Variants in TAOK1 observed in about 807,000 individuals in gnomAD.
TAOK1 encodes serine/threonine-protein kinase TAO1.
Under a neutral mutation model 138.3 loss-of-function variants are expected in TAOK1, and 21 were observed. That is an observed-to-expected ratio of 0.15 (90% CI 0.11 to 0.22). The LOEUF (loss-of-function observed/expected upper bound fraction) is 0.22. TAOK1 is among the 10% of genes least tolerant of loss of function. The pLI, the probability that TAOK1 is intolerant of heterozygous loss-of-function variation, is 1.00. For synonymous variants in TAOK1, 361 were observed against 398.4 expected, an observed-to-expected ratio of 0.91 and a Z score of 1.12; for missense variants, 651 against 1,227.7, an observed-to-expected ratio of 0.53 and a Z score of 7.02.
chr17:29,532,803 C>T (rs1177104860), intron 18 of TAOK1, among the ~76,000 whole-genome samples: 5 of 151,930 alleles, frequency 3.3e-5, no homozygotes, highest in Non-Finnish European at 7.4e-5. Context: ...CCTTTCCCCC[C>T]TTTCTATTCC....
At position 29,471,471 on chromosome 17, in the gene TAOK1, G is replaced by T. The variant is rs1419868987; in HGVS notation, c.205-4199G>T. ...TTTTTGTATTTTTAGTAGAGACGGG[G>T]TTTCATCATCTTGGCCAGGATGGTC... On this transcript the variant is annotated intron_variant, in intron 3 of 19. Transcript: ENST00000261716. Among the ~76,000 whole-genome samples, 14 of 151,232 alleles carry T rather than the reference G, an allele frequency of 9.3e-5. No individual in the cohort carries two copies. The East Asian group carries it at 2.7e-3, about 30-fold the overall frequency.
chr17:29,478,170 T>A (rs896496546), intron 5 of TAOK1, 81 bp from the exon 6 acceptor site: 1 of 966,096 alleles, frequency 1.0e-6, no homozygotes, highest in Non-Finnish European at 1.5e-6. Context: ...TATCAGTTTT[T>A]AAAAATTGCC....
chr17:29,528,823 G>GA (rs200222589), intron 17 of TAOK1, among the ~76,000 whole-genome samples: 2,019 of 97,914 alleles, frequency 0.021, 61 homozygotes, highest in African/African-American at 0.076. Flanking sequence ...CTGAGCAACA[G>GA]AATGAGACTC....
chr17:29,443,369 G>C (rs74930289), intron 1 of TAOK1, among the ~76,000 whole-genome samples: 1 of 152,058 alleles, frequency 6.6e-6, no homozygotes, highest in Non-Finnish European at 1.5e-5. Context: ...TCTATTATTT[G>C]ACTATGTTTT....
At chr17:29,484,338 T>C (rs1048398248) in intron 8 of TAOK1, among the ~76,000 whole-genome samples, 1 of 152,188 alleles carries the variant, frequency 6.6e-6, no homozygotes, top group Non-Finnish European at 1.5e-5. Context: ...CTTACAAATG[T>C]TTTGAATATT....
intron 1 of TAOK1, among the ~76,000 whole-genome samples, chr17:29,407,105 C>T (rs1184023554): frequency 6.6e-6 from 1 of 152,222 alleles, no homozygotes; most frequent in South Asian, 2.1e-4. Context: ...GTCTTGAACT[C>T]CTGGGCTCAA....
In TAOK1 at chr17:29,547,425, C is replaced by T. The variant is rs1316832863; in HGVS notation, c.*4403C>T. ...TAGTAAGTTCTTTGTGCACCTTCCA[C>T]CACTTCTGAGCCACTACTATTCAAG... On this transcript the variant is annotated 3_prime_UTR_variant, in exon 20 of 20. Transcript: ENST00000261716. 1.3e-5 allele frequency: 2 copies of T among 152,084 alleles called. No homozygotes were observed. The highest frequency in any genetic ancestry group is 2.4e-5 in the African/African-American group (1 of 41,438). The allele number at this position is 152,084 out of a possible 1,614,324, so 9.4% of individuals were successfully genotyped here.
intron 1 of TAOK1, among the ~76,000 whole-genome samples, chr17:29,431,683 A>G (rs1905836547): frequency 6.6e-6 from 1 of 152,034 alleles, no homozygotes; most frequent in South Asian, 2.1e-4. Flanking sequence ...CTTGTCACCC[A>G]GGCTGGAGTG....
intron 18 of TAOK1, among the ~76,000 whole-genome samples, chr17:29,531,224 C>G (rs567823978): frequency 1.1e-4 from 16 of 151,654 alleles, no homozygotes; most frequent in African/African-American, 3.9e-4. Flanking sequence ...GCCTCGGCCT[C>G]CCAAAGTGCT....
Position 29,549,935 on chromosome 17 carries a change from T to G in TAOK1, c.*6913T>G, listed in dbSNP as rs974342752. 1.3e-5 allele frequency: 2 copies of G among 151,984 alleles called. No homozygotes were observed. Among genetic ancestry groups the G allele is most frequent in the Non-Finnish European group, 2.9e-5 (2 of 67,998 alleles). The allele number at this position is 151,984 out of a possible 1,614,324, so 9.4% of individuals were successfully genotyped here. The stretch of plus-strand genomic sequence containing the variant: ...GCCTACTTAGGAGTGCCCCTCCAAT[T>G]AATTACATGTGTCCAAGAATAATCC... On this transcript the variant is annotated 3_prime_UTR_variant, in exon 20 of 20. Transcript: ENST00000261716.
intron 12 of TAOK1, 132 bp from the exon 13 acceptor site, chr17:29,502,457 A>G (rs571698834): frequency 3.0e-6 from 3 of 992,696 alleles, no homozygotes; most frequent in East Asian, 2.6e-5. Context: ...CAGCATTTCT[A>G]CTTTTTGGCT....
At chr17:29,410,641 T>G (rs796275327) in intron 1 of TAOK1, among the ~76,000 whole-genome samples, 5 of 150,064 alleles carry the variant, frequency 3.3e-5, no homozygotes, top group African/African-American at 7.3e-5. Context: ...TTTGGTTTTT[T>G]TTTTTGTTTG....
chr17:29,533,250 G>A (rs1292742557), intron 18 of TAOK1, among the ~76,000 whole-genome samples: 4 of 148,548 alleles, frequency 2.7e-5, no homozygotes, highest in African/African-American at 4.9e-5. Flanking sequence ...ATGGGCGGCC[G>A]GGCAGAGACG....
rs2032358196 is a variant in TAOK1 at position 29,543,789 on chromosome 17, T to C, written c.*767T>C. On this transcript the variant is annotated 3_prime_UTR_variant, in exon 20 of 20. Transcript: ENST00000261716. ...ATTCAATTGTGCCTTCTTTGTATTA[T>C]GATAAGATGGGGGTACTTAAGGAGA... 6.6e-6 allele frequency: 1 copy of C among 152,194 alleles called. No individual in the cohort carries two copies. Among genetic ancestry groups the C allele is most frequent in the Admixed American group, 6.5e-5 (1 of 15,280 alleles). The allele number at this position is 152,194 out of a possible 1,614,324, so 9.4% of individuals were successfully genotyped here.
At chr17:29,483,659 C>T (rs2031109944) in intron 8 of TAOK1, among the ~76,000 whole-genome samples, 3 of 152,132 alleles carry the variant, frequency 2.0e-5, no homozygotes, top group Non-Finnish European at 1.5e-5. Flanking sequence ...CTGTTAACTA[C>T]TCCCTTCAAG....
At chr17:29,397,208 T>C (rs1164373104) in intron 1 of TAOK1, among the ~76,000 whole-genome samples, 1 of 151,640 alleles carries the variant, frequency 6.6e-6, no homozygotes, top group Admixed American at 6.6e-5. Flanking sequence ...GGCAGGAGAA[T>C]CATTTGAACC....
At chr17:29,409,449 C>T (rs1270318164) in intron 1 of TAOK1, among the ~76,000 whole-genome samples, 4 of 150,894 alleles carry the variant, frequency 2.7e-5, no homozygotes, top group Non-Finnish European at 5.9e-5. Flanking sequence ...ATTCTCCTGC[C>T]TCAGCCTCTC....
chr17:29,429,428 C>T (rs1905757151), intron 1 of TAOK1, among the ~76,000 whole-genome samples: 1 of 151,886 alleles, frequency 6.6e-6, no homozygotes, highest in Non-Finnish European at 1.5e-5. Flanking sequence ...GTGCACGCCA[C>T]CAGGACCGGC....
chr17:29,417,334 T>C (rs191526275), intron 1 of TAOK1, among the ~76,000 whole-genome samples: 145 of 152,234 alleles, frequency 9.5e-4, no homozygotes, highest in African/African-American at 3.3e-3. Context: ...CATTTTTAAG[T>C]TGGGTTGTTT....
Sources: gnomAD v4.1 joint callset for allele counts (sites outside exome capture counted in the v4.1 genomes callset) on GRCh38, gnomAD v4.1.1 for gene constraint, MANE v1.5 for transcripts, NCBI Gene and HGNC (gene_info 2026-07-23, HGNC 2026-07-21) for gene names.